Variants in ITGB6 observed in about 807,000 individuals in gnomAD.
The protein encoded by ITGB6 is integrin beta-6.
In ITGB6, 80 loss-of-function variants were observed where a neutral mutation model predicts 84.5. The observed-to-expected ratio is 0.95, with a 90% CI of 0.79 to 1.14. The LOEUF (loss-of-function observed/expected upper bound fraction) is 1.14. Ranked by LOEUF, ITGB6 falls within the 50% of genes most tolerant of loss-of-function variation. The pLI is 0.00. For missense variants in ITGB6, 1,006 were observed against 968.0 expected (o/e 1.04, Z -0.52); for synonymous variants, 383 against 354.9 (o/e 1.08, Z -0.89).
chr2:160,118,253 G>A (rs184803746), intron 12 of ITGB6, among the ~76,000 whole-genome samples: 1 of 152,116 alleles, frequency 6.6e-6, no homozygotes, highest in Non-Finnish European at 1.5e-5. Flanking sequence ...AACATTGATG[G>A]AAAAATCCTC....
chr2:160,171,487 A>G (rs1397886380), intron 6 of ITGB6, among the ~76,000 whole-genome samples: 2 of 151,776 alleles, frequency 1.3e-5, no homozygotes, highest in Admixed American at 6.6e-5. Flanking sequence ...GGCGCCCACC[A>G]CCACGCCCGG....
intron 10 of ITGB6, among the ~76,000 whole-genome samples, 158 bp from the exon 11 acceptor site, chr2:160,126,759 T>A (rs1683262149): frequency 6.6e-6 from 1 of 152,240 alleles, no homozygotes; most frequent in African/African-American, 2.4e-5. Context: ...AGTATGAGTG[T>A]AGATATATTG....
rs1315091031 is a variant in ITGB6 at position 160,143,431 on chromosome 2, C to T, written c.1018-1360G>A. ...ATATGTGTTTTTAAATGATTTCTAC[C>T]TTCTCCTTGGTGAGCTCTAAGGTAT... On this transcript the variant is annotated intron_variant, in intron 7 of 14. Coordinates refer to ENST00000283249, the MANE Select transcript of ITGB6 (RefSeq NM_000888.5). Among the ~76,000 whole-genome samples, 3 of 152,078 alleles carry T rather than the reference C, an allele frequency of 2.0e-5. No individual in the cohort carries two copies. In the East Asian group the frequency reaches 5.8e-4, roughly 29 times the overall value.
At chr2:160,118,098 G>T (rs1338191247) in intron 12 of ITGB6, among the ~76,000 whole-genome samples, 1 of 152,154 alleles carries the variant, frequency 6.6e-6, no homozygotes, top group African/African-American at 2.4e-5. Flanking sequence ...AGGAGGAGCT[G>T]GTACCACTCC....
intron 10 of ITGB6, 26 bp from the exon 11 acceptor site, chr2:160,126,627 C>A (rs770475140): frequency 1.3e-6 from 2 of 1,596,776 alleles, no homozygotes; most frequent in Non-Finnish European, 8.6e-7. Flanking sequence ...CTCTATGCTT[C>A]TCACAGCCCC....
intron 4 of ITGB6, among the ~76,000 whole-genome samples, chr2:160,182,195 T>C (rs555977036): frequency 1.3e-5 from 2 of 152,142 alleles, no homozygotes; most frequent in African/African-American, 4.8e-5. Flanking sequence ...CAAACTCCTC[T>C]AAACTAAAGG....
At chr2:160,183,186 A>G (rs1685755182) in intron 4 of ITGB6, among the ~76,000 whole-genome samples, 2 of 152,236 alleles carry the variant, frequency 1.3e-5, no homozygotes, top group Admixed American at 1.3e-4. Flanking sequence ...CAATTAAAAT[A>G]CACATAGTGG....
intron 13 of ITGB6, among the ~76,000 whole-genome samples, chr2:160,109,201 C>A (rs1235370155): frequency 2.0e-5 from 3 of 152,168 alleles, no homozygotes; most frequent in Non-Finnish European, 4.4e-5. Context: ...CACTTTTGTT[C>A]TTTGGCCAAG....
rs563401467 is a variant in ITGB6 at position 160,187,119 on chromosome 2, A to G, written c.593+8250T>C. Among the ~76,000 whole-genome samples the G allele has an allele frequency of 1.3e-3, 204 of 152,302 alleles. 2 individuals are homozygous for G. The highest frequency in any genetic ancestry group is 4.5e-3 in the African/African-American group (189 of 41,566). On this transcript the variant is annotated intron_variant, in intron 4 of 14. Coordinates refer to ENST00000283249, the MANE Select transcript of ITGB6 (RefSeq NM_000888.5). Reference sequence around the variant, plus strand: ...ATCTTAGAACTTAAAGTATAATAATAATAAAAAATAGAAAAAAACAATACT... The same window carrying G: ...ATCTTAGAACTTAAAGTATAATAATGATAAAAAATAGAAAAAAACAATACT...
rs772974233 is a variant in ITGB6, at chr2:160,161,150, GC to G, written c.1017+8061del. Among the ~76,000 whole-genome samples the G allele has an allele frequency of 2.0e-5, 3 of 152,210 alleles. 1 individual carries two copies. The highest frequency in any genetic ancestry group is 1.3e-4 in the Admixed American group (2 of 15,290). The stretch of plus-strand genomic sequence containing the variant: ...GCTGCTGGTGGGAAAGGACAAGTTT[GC>G]TTTTATTTTAAAGTAGACACCTATA... On this transcript the variant is annotated intron_variant, in intron 7 of 14. Coordinates refer to ENST00000283249, the MANE Select transcript of ITGB6 (RefSeq NM_000888.5).
At chr2:160,129,505 C>T (rs1683375440) in intron 10 of ITGB6, among the ~76,000 whole-genome samples, 2 of 151,868 alleles carry the variant, frequency 1.3e-5, no homozygotes, top group Non-Finnish European at 2.9e-5. Flanking sequence ...TAGAACGGTA[C>T]CTGGCCCATA....
chr2:160,108,415 C>T (rs1475872677), intron 13 of ITGB6, among the ~76,000 whole-genome samples: 1 of 152,120 alleles, frequency 6.6e-6, no homozygotes, highest in African/African-American at 2.4e-5. Flanking sequence ...TTTTGTTGAA[C>T]CCTAATGCAG....
intron 12 of ITGB6, among the ~76,000 whole-genome samples, chr2:160,112,498 T>C (rs1682579383): frequency 6.6e-6 from 1 of 152,106 alleles, no homozygotes; most frequent in East Asian, 1.9e-4. Flanking sequence ...CACAGCTGCC[T>C]TGGGAATAGA....
At chr2:160,137,302 A>C in intron 10 of ITGB6, 132 bp downstream of exon 10, 1 of 780,654 alleles carries the variant, frequency 1.3e-6, no homozygotes, top group Non-Finnish European at 2.1e-6. Flanking sequence ...CAGTTACCCT[A>C]GGTCTAAGGC....
At chr2:160,178,657 T>G (rs1440976959) in intron 4 of ITGB6, among the ~76,000 whole-genome samples, 3 of 151,978 alleles carry the variant, frequency 2.0e-5, no homozygotes, top group Admixed American at 2.0e-4. Context: ...TTCATTTTCT[T>G]TTCTCTCTAT....
chr2:160,145,634 C>T (rs1000298725), intron 7 of ITGB6, among the ~76,000 whole-genome samples: 7 of 152,296 alleles, frequency 4.6e-5, no homozygotes, highest in African/African-American at 1.7e-4. Context: ...GAGGGACCCC[C>T]AGTTTGGTGC....
intron 12 of ITGB6, among the ~76,000 whole-genome samples, chr2:160,115,613 C>T (rs1682731812): frequency 1.3e-5 from 2 of 152,234 alleles, no homozygotes; most frequent in African/African-American, 2.4e-5. Context: ...GCCTCTCCTC[C>T]TCCAAAGGAA....
At chr2:160,130,871 G>A (rs1683440334) in intron 10 of ITGB6, among the ~76,000 whole-genome samples, 1 of 152,118 alleles carries the variant, frequency 6.6e-6, no homozygotes, top group Non-Finnish European at 1.5e-5. Context: ...GTATATTATT[G>A]CATGTAGGAA....
intron 12 of ITGB6, among the ~76,000 whole-genome samples, chr2:160,112,994 CT>C (rs1458623374): frequency 6.6e-6 from 1 of 152,192 alleles, no homozygotes; most frequent in African/African-American, 2.4e-5. Flanking sequence ...TGGCATTCTG[CT>C]AATTAAGAAA....
Sources: allele counts gnomAD v4.1 joint callset (sites outside exome capture counted in the v4.1 genomes callset), GRCh38; gene constraint gnomAD v4.1.1; transcripts MANE v1.5; gene names NCBI Gene and HGNC (gene_info 2026-07-23, HGNC 2026-07-21).